CATSPERD: variants seen among roughly 807,000 people sequenced by gnomAD.
CATSPERD encodes the protein cation channel sperm-associated auxiliary subunit delta.
CATSPERD carries 86 observed loss-of-function variants against 98.1 expected under a neutral mutation model. The observed-to-expected ratio is 0.88, with a 90% CI of 0.74 to 1.05. The LOEUF is 1.05. Among genes scored for constraint, CATSPERD ranks in the 50% least tolerant of loss-of-function variants. The probability of loss-of-function intolerance (pLI) is 0.00; values close to 1 mark genes in which losing one functional copy is unlikely to be tolerated. For missense variants in CATSPERD, 995 were observed against 1,005.7 expected (o/e 0.99, Z 0.14); for synonymous variants, 394 against 390.2 (o/e 1.01, Z -0.12).
intron 5 of CATSPERD, among the ~76,000 whole-genome samples, chr19:5,735,648 T>C (rs982503469): frequency 6.6e-6 from 1 of 151,766 alleles, no homozygotes; most frequent in Non-Finnish European, 1.5e-5. Context: ...AATTTTTGTA[T>C]GTTTTTAGTA....
intron 11 of CATSPERD, among the ~76,000 whole-genome samples, chr19:5,750,251 A>T (rs574395488): frequency 8.7e-5 from 13 of 149,326 alleles, no homozygotes; most frequent in East Asian, 6.0e-4. Context: ...GATCGTGACC[A>T]TCCTGGCTAA....
At chr19:5,728,661 C>A (rs922860981) in intron 3 of CATSPERD, among the ~76,000 whole-genome samples, 4 of 151,728 alleles carry the variant, frequency 2.6e-5, no homozygotes, top group African/African-American at 9.7e-5. Flanking sequence ...GAGTTGAAAA[C>A]CAGCCTGGAT....
chr19:5,726,661 C>T (rs566254406), intron 2 of CATSPERD, among the ~76,000 whole-genome samples: 13 of 152,002 alleles, frequency 8.6e-5, no homozygotes, highest in African/African-American at 1.4e-4. Flanking sequence ...GGATTACAGA[C>T]GTGAGCCACC....
chr19:5,724,676 G>A, intron 1 of CATSPERD, 132 bp from the exon 2 acceptor site: 1 of 858,264 alleles, frequency 1.2e-6, no homozygotes, highest in Non-Finnish European at 1.9e-6. Flanking sequence ...TCCAGCCTGG[G>A]CGACAGAGTG....
At chr19:5,763,695 G>A (rs1362144200) in intron 16 of CATSPERD, among the ~76,000 whole-genome samples, 1 of 151,972 alleles carries the variant, frequency 6.6e-6, no homozygotes, top group Non-Finnish European at 1.5e-5. Flanking sequence ...ATGTTGGCCA[G>A]GCTGGTCTTG....
At chr19:5,750,247 G>A (rs1024579415) in intron 11 of CATSPERD, among the ~76,000 whole-genome samples, 4 of 149,432 alleles carry the variant, frequency 2.7e-5, no homozygotes, top group Non-Finnish European at 5.9e-5. Flanking sequence ...AGGAGATCGT[G>A]ACCATCCTGG....
In CATSPERD at chr19:5,728,336, G is replaced by A. The variant is rs1316060813; in HGVS notation, c.203+992G>A. ...TCGCACCACTGCACTCCAGCCTGGCGACAGAGCGAGACTCTGTCTCAAAAA... is the reference window on the plus strand; with the variant it reads ...TCGCACCACTGCACTCCAGCCTGGCAACAGAGCGAGACTCTGTCTCAAAAA... On this transcript the variant is annotated intron_variant, in intron 3 of 21. Transcript: ENST00000381624. Among the ~76,000 whole-genome samples, 8 of 127,366 alleles carry A rather than the reference G, an allele frequency of 6.3e-5. No individual in the cohort carries two copies. In the East Asian group the frequency reaches 9.5e-4, roughly 15 times the overall value. The allele number at this position is 127,366 out of a possible 152,430, so 83.6% of individuals were successfully genotyped here. A position where few individuals can be genotyped will look rare whatever the true frequency, so the allele number is the denominator to read the frequency against.
At chr19:5,733,291 GTC>G (rs2055764371) in intron 4 of CATSPERD, among the ~76,000 whole-genome samples, 1 of 147,878 alleles carries the variant, frequency 6.8e-6, no homozygotes, top group Admixed American at 6.6e-5. Context: ...ACTGCGCCTG[GTC>G]TCTTTCTTTT....
chr19:5,743,935 A>C (rs1472744872), intron 7 of CATSPERD, among the ~76,000 whole-genome samples: 1 of 152,112 alleles, frequency 6.6e-6, no homozygotes, highest in Non-Finnish European at 1.5e-5. Flanking sequence ...CAAACACCCA[A>C]ACCAAAGCTG....
At chr19:5,762,059 T>TATATATATATGTATTATTATTATTA (rs1491269022) in intron 15 of CATSPERD, among the ~76,000 whole-genome samples, 1 of 18,640 alleles carries the variant, frequency 5.4e-5, no homozygotes, top group South Asian at 1.9e-3. Context: ...TATATATATA[T>TATATATATATGTATTATTATTATTA]TTTTTTTTTT....
chr19:5,768,656 T>C (rs2056589102), intron 18 of CATSPERD, among the ~76,000 whole-genome samples: 1 of 150,388 alleles, frequency 6.6e-6, no homozygotes, highest in African/African-American at 2.5e-5. Context: ...TTTTAAGAGA[T>C]AGGGTCTGGC....
chr19:5,742,240 G>A lies in CATSPERD; in HGVS notation c.574-2187G>A, dbSNP rs202173495. Among the ~76,000 whole-genome samples the A allele has an allele frequency of 1.4e-4, 21 of 151,150 alleles. No individual in the cohort carries two copies. In the East Asian group the frequency reaches 2.1e-3, roughly 15 times the overall value. On this transcript the variant is annotated intron_variant, in intron 7 of 21. Transcript: ENST00000381624. ...TGTACATGTGTGTGCGTGTGTGTACGTATGTGAATGTGTGTGGGTGTGCGT... is the reference window on the plus strand; with the variant it reads ...TGTACATGTGTGTGCGTGTGTGTACATATGTGAATGTGTGTGGGTGTGCGT...
rs1326242339 is a variant in CATSPERD, at chr19:5,748,309, C to T, written c.904+54C>T. The T allele has an allele frequency of 1.2e-5, 18 of 1,529,656 alleles. No homozygotes were observed. In the East Asian group the frequency reaches 1.8e-4, roughly 15 times the overall value. 94.8% of individuals were successfully genotyped at this position (1,529,656 alleles called of 1,614,324 possible). A position where few individuals can be genotyped will look rare whatever the true frequency, so the allele number is the denominator to read the frequency against. ...AAATATTTAGACCTGGCTTATTAAC[C>T]GTAGGCCTGCCAGACCCAACCCAGC... On this transcript the variant is annotated intron_variant, in intron 10 of 21. Transcript: ENST00000381624.
At chr19:5,741,182 A>G (rs2145735341) in intron 7 of CATSPERD, among the ~76,000 whole-genome samples, 1 of 152,310 alleles carries the variant, frequency 6.6e-6, no homozygotes, top group Middle Eastern at 3.4e-3. Flanking sequence ...TGGTACTATC[A>G]GGTTCATCAT....
At chr19:5,727,142 C>G in intron 2 of CATSPERD, 126 bp from the exon 3 acceptor site, 1 of 655,922 alleles carries the variant, frequency 1.5e-6, no homozygotes, top group Non-Finnish European at 2.6e-6. Flanking sequence ...TTGCAGTGAG[C>G]CAAGATTGTG....
intron 3 of CATSPERD, among the ~76,000 whole-genome samples, chr19:5,727,884 T>C (rs1205860811): frequency 6.6e-6 from 1 of 151,868 alleles, no homozygotes; most frequent in Non-Finnish European, 1.5e-5. Flanking sequence ...GACATCAGTC[T>C]GGCAGCATCA....
chr19:5,742,724 C>A (rs919888617), intron 7 of CATSPERD, among the ~76,000 whole-genome samples: 2 of 151,902 alleles, frequency 1.3e-5, no homozygotes, highest in Non-Finnish European at 2.9e-5. Context: ...GGGAGACTGA[C>A]GCTACAGTGG....
intron 20 of CATSPERD, among the ~76,000 whole-genome samples, chr19:5,773,819 A>T (rs1186930784): frequency 6.7e-6 from 1 of 150,288 alleles, no homozygotes; most frequent in Non-Finnish European, 1.5e-5. Flanking sequence ...CTCAGTGTGT[A>T]TTTCTATCAT....
chr19:5,763,232 T>C lies in CATSPERD; in HGVS notation c.1445T>C (p.Met482Thr), dbSNP rs117233685. ...NFTSSLKKAT[M>T]STLTVDIANK... ...CCTTGCAGTTTAAAGAAAGCCACCA[T>C]GTCTACCTTAACTGTGGACATAGCA... Residue 482 changes from methionine (M) to threonine (T), a missense_variant, in exon 16 of 22, where the codon ATG (methionine) becomes ACG (threonine). Transcript: ENST00000381624. 1.8e-5 allele frequency: 29 copies of C among 1,614,136 alleles called. No individual in the cohort carries two copies. The highest frequency in any genetic ancestry group is 1.0e-4 in the Admixed American group (6 of 60,002).
Sources: allele counts gnomAD v4.1 joint callset (sites outside exome capture counted in the v4.1 genomes callset), GRCh38; gene constraint gnomAD v4.1.1; transcripts MANE v1.5; gene names NCBI Gene and HGNC (gene_info 2026-07-23, HGNC 2026-07-21).